Variants in CA5A observed in about 807,000 individuals in gnomAD.
The protein encoded by CA5A is carbonic anhydrase 5A.
A neutral mutation model predicts 37.1 loss-of-function variants in CA5A; 28 were observed. That is an observed-to-expected ratio of 0.75 (90% CI 0.56 to 1.03). CA5A has a LOEUF of 1.03. CA5A is among the 50% of genes least tolerant of loss of function. CA5A has a pLI of 0.00. For missense variants in CA5A, 444 were observed against 399.9 expected, an observed-to-expected ratio of 1.11 and a Z score of -0.94; for synonymous variants, 171 against 158.4, an observed-to-expected ratio of 1.08 and a Z score of -0.60.
Position 87,904,863 on chromosome 16 carries a change from G to T in CA5A, c.382C>A (p.Gln128Lys), listed in dbSNP as rs2143963916. The change falls in exon 3 of 7, where the codon CAA (glutamine) becomes AAA (lysine). Residue 128 changes from glutamine to lysine, a missense_variant. Coordinates refer to ENST00000649794, the MANE Select transcript of CA5A (RefSeq NM_001739.2). ...GPLENHYRLK[Q>K]FHFHWGAVNE... ...ACTGCTCCCCAGTGGAAGTGAAATTGCTTCAGTCTGTAGTGGTTTTCCAAG... is the reference window on the plus strand; with the variant it reads ...ACTGCTCCCCAGTGGAAGTGAAATTTCTTCAGTCTGTAGTGGTTTTCCAAG... 1.2e-6 allele frequency: 2 copies of T among 1,613,108 alleles called. No homozygotes were observed. The highest frequency in any genetic ancestry group is 1.7e-4 in the Middle Eastern group (1 of 6,054).
chr16:87,914,798 G>A (rs1326153845), intron 2 of CA5A, among the ~76,000 whole-genome samples: 1 of 152,166 alleles, frequency 6.6e-6, no homozygotes, highest in Non-Finnish European at 1.5e-5. Flanking sequence ...ATGGAGTCAC[G>A]GGCCACCGTC....
intron 1 of CA5A, among the ~76,000 whole-genome samples, chr16:87,929,722 A>G: frequency 1.3e-5 from 2 of 151,412 alleles, no homozygotes; most frequent in Non-Finnish European, 2.9e-5. Flanking sequence ...AATACAAAAA[A>G]TTAGCCGGGC....
intron 5 of CA5A, chr16:87,893,161 CAG>C (rs1397536881): frequency 2.1e-5 from 9 of 427,246 alleles, no homozygotes; most frequent in African/African-American, 1.5e-4. Context: ...TTTTTTCAGA[CAG>C]AGTCTCCAGG....
chr16:87,887,876 C>A, downstream of CA5A: 1 of 413,644 alleles, frequency 2.4e-6, no homozygotes, highest in Non-Finnish European at 4.2e-6. Flanking sequence ...GTTTGTGGTA[C>A]TTCGTTACAG....
At position 87,926,907 on chromosome 16, in the gene CA5A, C is replaced by A. The variant is rs1310429186; in HGVS notation, c.181G>T (p.Gly61Cys). Reference sequence around the variant, plus strand: ...ATGTTAATAGGAGACTGCCGGGTGCCCCCTGGCACGGAGACCGGGACCGTC... The same window carrying A: ...ATGTTAATAGGAGACTGCCGGGTGCACCCTGGCACGGAGACCGGGACCGTC... Reference protein sequence around the residue: ...LWTVPVSVPGGTRQSPINIQW... With the variant: ...LWTVPVSVPGCTRQSPINIQW... Residue 61 changes from glycine (G) to cysteine (C), a missense_variant, in exon 2 of 7, where the codon GGC (glycine) becomes TGC (cysteine). By Grantham distance (159) the Gly-to-Cys change is radical (BLOSUM62 -3). Coordinates refer to ENST00000649794, the MANE Select transcript of CA5A (RefSeq NM_001739.2). 8.1e-6 allele frequency: 13 copies of A among 1,604,176 alleles called. No homozygotes were observed. Among genetic ancestry groups the A allele is most frequent in the Non-Finnish European group, 1.1e-5 (13 of 1,174,914 alleles).
intron 5 of CA5A, among the ~76,000 whole-genome samples, chr16:87,896,042 A>G (rs1184794185): frequency 6.6e-6 from 1 of 152,246 alleles, no homozygotes; most frequent in Non-Finnish European, 1.5e-5. Flanking sequence ...TGCCTGCCAC[A>G]CATCCCCAGG....
At chr16:87,923,272 T>A (rs2056255377) in intron 2 of CA5A, among the ~76,000 whole-genome samples, 1 of 152,118 alleles carries the variant, frequency 6.6e-6, no homozygotes, top group African/African-American at 2.4e-5. Flanking sequence ...CACTGCAAAC[T>A]CCACCTCCCA....
intron 1 of CA5A, 89 bp downstream of exon 1, chr16:87,936,220 G>C: frequency 1.2e-6 from 1 of 860,026 alleles, no homozygotes; most frequent in Non-Finnish European, 1.9e-6. Flanking sequence ...CATCTGGCTC[G>C]GGACGGTCTC....
rs572783819 is a variant in CA5A, at chr16:87,907,737, C to A, written c.341-2833G>T. ...GTCAGGAATTCAAGACCAGCCTGAC[C>A]AACATGGTCAAACCCCACCTCTACT... On this transcript the variant is annotated intron_variant, in intron 2 of 6. Coordinates refer to ENST00000649794, the MANE Select transcript of CA5A (RefSeq NM_001739.2). Among the ~76,000 whole-genome samples the A allele has an allele frequency of 2.0e-5, 3 of 152,240 alleles. No homozygotes were observed. In the South Asian group the frequency reaches 6.2e-4, roughly 32 times the overall value.
chr16:87,924,558 C>G (rs902310277), intron 2 of CA5A, among the ~76,000 whole-genome samples: 1 of 152,210 alleles, frequency 6.6e-6, no homozygotes, highest in East Asian at 1.9e-4. Flanking sequence ...CCGTGGGCAC[C>G]GTGCCTGCTC....
At chr16:87,926,450 C>T (rs2056312211) in intron 2 of CA5A, among the ~76,000 whole-genome samples, 1 of 152,244 alleles carries the variant, frequency 6.6e-6, no homozygotes, top group Non-Finnish European at 1.5e-5. Context: ...GTCTCTTCCT[C>T]CCACCCGCTG....
chr16:87,936,409 G>T lies in CA5A; in HGVS notation c.42C>A (p.Phe14Leu), dbSNP rs756485700. 1 of 1,614,048 alleles carries T rather than the reference G, an allele frequency of 6.2e-7. No homozygotes were observed. The highest frequency in any genetic ancestry group is 1.1e-5 in the South Asian group (1 of 91,082). ...GAGGGGCCCACATCTGCTCAACCAA[G>T]AAGGAGAAAGCTGAGGTCTTCCAAG... is the stretch of plus-strand genomic sequence containing the variant. ...RNTWKTSAFS[F>L]LVEQMWAPLW... The change falls in exon 1 of 7, where the codon TTC becomes TTA. Residue 14 changes from phenylalanine to leucine, a missense_variant. Phe to Leu is a conservative substitution (Grantham distance 22, BLOSUM62 0). Coordinates refer to ENST00000649794, the MANE Select transcript of CA5A (RefSeq NM_001739.2).
chr16:87,892,116 A>T (rs1567514825), intron 5 of CA5A, 162 bp from the exon 6 acceptor site: 1 of 582,048 alleles, frequency 1.7e-6, no homozygotes, highest in Non-Finnish European at 2.9e-6. Context: ...GTGATGAGAA[A>T]ATGTGACCCT....
At chr16:87,908,079 T>A (rs1297757510) in intron 2 of CA5A, among the ~76,000 whole-genome samples, 1 of 151,778 alleles carries the variant, frequency 6.6e-6, no homozygotes, top group Admixed American at 6.5e-5. Flanking sequence ...GTCAGTCCAC[T>A]GATTTATTCA....
chr16:87,887,809 G>T (rs1226456537), downstream of CA5A: 1 of 230,534 alleles, frequency 4.3e-6, no homozygotes, highest in Non-Finnish European at 8.5e-6. Context: ...CCTTGGTGTC[G>T]GGCTTCTGGC....
chr16:87,927,856 C>CAA lies in CA5A; in HGVS notation c.143-913_143-912dup, dbSNP rs569544193. 6.0e-3 allele frequency among the ~76,000 whole-genome samples: 474 copies of CAA among 78,928 alleles called. 1 individual carries two copies. The highest frequency in any genetic ancestry group is 0.016 in the African/African-American group (360 of 22,032). 51.8% of individuals were successfully genotyped at this position (78,928 alleles called of 152,430 possible). ...AGCCTGGGGGACAGAGACTCTGCCT[C>CAA]AAAAAAAAAAAAAAAAAAATGCAGA... On this transcript the variant is annotated intron_variant, in intron 1 of 6. Transcript: ENST00000649794.
chr16:87,903,045 A>G (rs1307087491), intron 3 of CA5A, among the ~76,000 whole-genome samples: 2 of 150,988 alleles, frequency 1.3e-5, no homozygotes, highest in Non-Finnish European at 2.9e-5. Context: ...GTGGGGGGGG[A>G]AAGGAGAGGA....
rs185141171 is a variant in CA5A at position 87,921,773 on chromosome 16, G to C, written c.340+4975C>G. On this transcript the variant is annotated intron_variant, in intron 2 of 6. Coordinates refer to ENST00000649794, the MANE Select transcript of CA5A (RefSeq NM_001739.2). Reference sequence around the variant, plus strand: ...CGGGATCAGCGGCACCTGGGAGCCTGCTGGCATGAGATTCTTGGATCTGCC... The same window carrying C: ...CGGGATCAGCGGCACCTGGGAGCCTCCTGGCATGAGATTCTTGGATCTGCC... Among the ~76,000 whole-genome samples, 1,040 of 152,332 alleles carry C rather than the reference G, an allele frequency of 6.8e-3. 11 individuals are homozygous for C. The highest frequency in any genetic ancestry group is 0.024 in the African/African-American group (990 of 41,576).
chr16:87,895,075 C>T (rs2055782753), intron 5 of CA5A, among the ~76,000 whole-genome samples: 1 of 151,852 alleles, frequency 6.6e-6, no homozygotes, highest in Admixed American at 6.6e-5. Context: ...CATAACGAGA[C>T]CCTGACTCTA....
Sources: allele counts gnomAD v4.1 joint callset (sites outside exome capture counted in the v4.1 genomes callset), GRCh38; gene constraint gnomAD v4.1.1; transcripts MANE v1.5; gene names NCBI Gene and HGNC (gene_info 2026-07-23, HGNC 2026-07-21).